Variants in ATP8B4 observed in about 807,000 individuals in gnomAD.
The protein encoded by ATP8B4 is probable phospholipid-transporting ATPase IM.
ATP8B4 carries 133 observed loss-of-function variants against 145.6 expected under a neutral mutation model. The ratio of observed to expected loss-of-function variants is 0.91; its 90% CI spans 0.79 to 1.05. The LOEUF (loss-of-function observed/expected upper bound fraction) is 1.05. ATP8B4 is among the 50% of genes least tolerant of loss of function. ATP8B4 has a pLI of 0.00. For synonymous variants in ATP8B4, 507 were observed against 492.9 expected (o/e 1.03, Z -0.38); for missense variants, 1,458 against 1,425.2 (o/e 1.02, Z -0.37).
At chr15:50,172,505 C>G (rs1311423141) in intron 1 of ATP8B4, among the ~76,000 whole-genome samples, 1 of 152,240 alleles carries the variant, frequency 6.6e-6, no homozygotes, top group East Asian at 1.9e-4. Flanking sequence ...ACCTCCACCT[C>G]CCAGCCGCCT....
chr15:50,000,061 T>C lies in ATP8B4; in HGVS notation c.506+2092A>G, dbSNP rs946491830. Among the ~76,000 whole-genome samples, 14 of 152,196 alleles carry C rather than the reference T, an allele frequency of 9.2e-5. 1 individual carries two copies. The highest frequency in any genetic ancestry group is 3.1e-4 in the African/African-American group (13 of 41,464). ...ATTTTCATTGCTAAGTAGTATTCCA[T>C]GGTATGGATGTACCACAATTTATTC... On this transcript the variant is annotated intron_variant, in intron 8 of 27. Coordinates refer to ENST00000284509, the MANE Select transcript of ATP8B4 (RefSeq NM_024837.4).
intron 20 of ATP8B4, among the ~76,000 whole-genome samples, chr15:49,907,136 G>A (rs1451183253): frequency 1.3e-5 from 2 of 152,194 alleles, no homozygotes; most frequent in African/African-American, 2.4e-5. Flanking sequence ...GAACACAGAC[G>A]TGGGAAGTGC....
Position 50,002,172 on chromosome 15 carries a change from C to T in ATP8B4, c.487G>A (p.Glu163Lys). The T allele has an allele frequency of 1.2e-6, 2 of 1,610,072 alleles. No homozygotes were observed. Among genetic ancestry groups the T allele is most frequent in the Non-Finnish European group, 1.7e-6 (2 of 1,177,638 alleles). Residue 163 changes from glutamate to lysine, a missense_variant, in exon 8 of 28, where the codon GAA (glutamate) becomes AAA (lysine). Glu to Lys is a moderately conservative substitution (Grantham distance 56). Transcript: ENST00000284509. ...ACTTACCCATCAAGCTCAGCAGTTT[C>T]AACATAACAGAGACCATGTGGCTCA... ...SSEPHGLCYVETAELDGETNL... is the reference protein window; with the variant it reads ...SSEPHGLCYVKTAELDGETNL...
rs1463402212 is a variant in ATP8B4 at position 49,858,645 on chromosome 15, G to A, written c.*1549C>T. On this transcript the variant is annotated 3_prime_UTR_variant, in exon 28 of 28. Coordinates refer to ENST00000284509, the MANE Select transcript of ATP8B4 (RefSeq NM_024837.4). ...ACTCTGTAGAATTAGAAGTTGATTT[G>A]TAGAAAACCATTAAGACATGATGCT... The A allele has an allele frequency of 6.6e-6, 1 of 152,158 alleles. No homozygotes were observed. Among genetic ancestry groups the A allele is most frequent in the Non-Finnish European group, 1.5e-5 (1 of 68,024 alleles). The allele number at this position is 152,158 out of a possible 1,614,324, so 9.4% of individuals were successfully genotyped here.
At chr15:50,123,473 A>C (rs1447550803), upstream of ATP8B4, among the ~76,000 whole-genome samples, 1 of 152,162 alleles carries the variant, frequency 6.6e-6, no homozygotes, top group Admixed American at 6.5e-5. Context: ...ATTGCTCCTG[A>C]ATGGTTTACA....
intron 1 of ATP8B4, among the ~76,000 whole-genome samples, chr15:50,144,414 A>G (rs1237670568): frequency 1.3e-5 from 2 of 152,216 alleles, no homozygotes; most frequent in Non-Finnish European, 2.9e-5. Flanking sequence ...ACAGTTACGC[A>G]TGGCTGGGGA....
intron 2 of ATP8B4, among the ~76,000 whole-genome samples, chr15:50,091,703 A>G (rs1215473802): frequency 4.6e-5 from 7 of 152,156 alleles, no homozygotes; most frequent in African/African-American, 4.8e-5. Context: ...TATTCAACTT[A>G]ACATTTTTTT....
At chr15:50,167,312 T>G (rs1345248697) in intron 1 of ATP8B4, among the ~76,000 whole-genome samples, 1 of 152,202 alleles carries the variant, frequency 6.6e-6, no homozygotes, top group East Asian at 1.9e-4. Flanking sequence ...AGTCAAGGTG[T>G]CAGCAGAGTT....
At chr15:50,159,101 TA>T (rs149366268) in intron 1 of ATP8B4, among the ~76,000 whole-genome samples, 14 of 148,690 alleles carry the variant, frequency 9.4e-5, no homozygotes, top group East Asian at 1.9e-4. Flanking sequence ...GAATGATCAA[TA>T]AAAAAAAAAC....
intron 15 of ATP8B4, among the ~76,000 whole-genome samples, chr15:49,932,077 G>A (rs1253096404): frequency 1.3e-5 from 2 of 151,398 alleles, no homozygotes; most frequent in Non-Finnish European, 2.9e-5. Context: ...AAATTAATTT[G>A]AAAATTAATT....
chr15:50,003,279 T>TGC (rs1172286643), intron 7 of ATP8B4, among the ~76,000 whole-genome samples: 1 of 141,952 alleles, frequency 7.0e-6, no homozygotes, highest in Non-Finnish European at 1.5e-5. Context: ...TGTGCATGTG[T>TGC]GTGTGTGTGT....
chr15:50,049,740 A>T (rs1818798847), intron 3 of ATP8B4, among the ~76,000 whole-genome samples: 1 of 152,176 alleles, frequency 6.6e-6, no homozygotes, highest in Admixed American at 6.5e-5. Flanking sequence ...GTTTTCCACA[A>T]TGGCTGAACT....
At chr15:49,905,662 C>CA (rs1206326947) in intron 20 of ATP8B4, among the ~76,000 whole-genome samples, 1 of 152,090 alleles carries the variant, frequency 6.6e-6, no homozygotes, top group East Asian at 1.9e-4. Flanking sequence ...AAGGTGGCCC[C>CA]AAGGCTCCTG....
At chr15:49,964,803 A>G (rs542460492) in intron 13 of ATP8B4, among the ~76,000 whole-genome samples, 146 of 152,332 alleles carry the variant, frequency 9.6e-4, no homozygotes, top group South Asian at 2.7e-3. Context: ...TGTGATAAAC[A>G]TTTCAACAAA....
intron 6 of ATP8B4, among the ~76,000 whole-genome samples, chr15:50,014,768 T>A (rs552855185): frequency 1.3e-5 from 2 of 152,224 alleles, no homozygotes; most frequent in Non-Finnish European, 2.9e-5. Context: ...CATTTAATCC[T>A]CACAACAGCC....
At chr15:50,097,456 G>A (rs1041236287) in intron 2 of ATP8B4, among the ~76,000 whole-genome samples, 3 of 152,128 alleles carry the variant, frequency 2.0e-5, no homozygotes, top group East Asian at 1.9e-4. Flanking sequence ...GTCCTATTAC[G>A]GCCTGTTAGT....
intron 1 of ATP8B4, among the ~76,000 whole-genome samples, chr15:50,132,573 G>A (rs2044062168): frequency 6.6e-6 from 1 of 152,136 alleles, no homozygotes; most frequent in Admixed American, 6.5e-5. Context: ...GAATCTAGAA[G>A]CAGAATTACC....
chr15:50,112,599 G>T (rs1055406390), intron 1 of ATP8B4, among the ~76,000 whole-genome samples: 2 of 151,972 alleles, frequency 1.3e-5, no homozygotes, highest in Admixed American at 1.3e-4. Flanking sequence ...GAATAGCAAG[G>T]TTCAAGTCCC....
chr15:49,919,912 G>T (rs1170925953), intron 18 of ATP8B4, among the ~76,000 whole-genome samples: 2 of 152,118 alleles, frequency 1.3e-5, no homozygotes, highest in African/African-American at 4.8e-5. Context: ...AAATTTCTCT[G>T]CTCTAAAAAG....
Sources: gnomAD v4.1 joint callset for allele counts (sites outside exome capture counted in the v4.1 genomes callset) on GRCh38, gnomAD v4.1.1 for gene constraint, MANE v1.5 for transcripts, NCBI Gene and HGNC (gene_info 2026-07-23, HGNC 2026-07-21) for gene names.